Variants in MYO1B observed in about 807,000 individuals in gnomAD.
The protein encoded by MYO1B is unconventional myosin-Ib.
Under a neutral mutation model 159.7 loss-of-function variants are expected in MYO1B, and 72 were observed. The ratio of observed to expected loss-of-function variants is 0.45; its 90% confidence interval spans 0.37 to 0.55. The LOEUF (loss-of-function observed/expected upper bound fraction) is 0.55, where lower values mean the gene tolerates loss of function less well. MYO1B is among the 20% of genes least tolerant of loss of function. MYO1B has a pLI of 0.00. For synonymous variants in MYO1B, 468 were observed against 473.8 expected (o/e 0.99, Z 0.16); for missense variants, 1,062 against 1,364.8 (o/e 0.78, Z 3.50).
At chr2:191,284,620 A>C (rs1200781545) in intron 2 of MYO1B, among the ~76,000 whole-genome samples, 1 of 151,748 alleles carries the variant, frequency 6.6e-6, no homozygotes, top group Non-Finnish European at 1.5e-5. Context: ...TTTTTTTTTG[A>C]GGTTTCAGAC....
chr2:191,350,212 A>T lies in MYO1B; in HGVS notation c.549A>T (p.Gly183=). 6.2e-7 allele frequency: 1 copy of T among 1,612,140 alleles called. No homozygotes were observed. Among genetic ancestry groups the T allele is most frequent in the African/African-American group, 1.3e-5 (1 of 75,012 alleles). The change falls in exon 7 of 31, where the codon GGA becomes GGT. Residue 183 remains glycine, a synonymous_variant. Transcript: ENST00000392318. ...ACTTTAAAGGCGATCCACTAGGAGG[A>T]GTAATAAGTAACTGTGAGTATTTTT... is the stretch of plus-strand genomic sequence containing the variant. ...EFDFKGDPLG[G]VISNYLLEKS...
At chr2:191,384,543 C>G (rs2356647) in intron 15 of MYO1B, among the ~76,000 whole-genome samples, 124,529 of 152,180 alleles carry the variant, frequency 0.82, 54,702 homozygotes, top group Non-Finnish European at 0.98. Context: ...TTCAAAAAAT[C>G]TGAACAATAT....
At chr2:191,398,764 C>T (rs1453084785) in intron 21 of MYO1B, among the ~76,000 whole-genome samples, 9 of 150,354 alleles carry the variant, frequency 6.0e-5, no homozygotes, top group African/African-American at 2.0e-4. Flanking sequence ...CGGGCAGAGA[C>T]GCTCCTCACT....
intron 17 of MYO1B, among the ~76,000 whole-genome samples, chr2:191,388,997 T>C (rs750984145): frequency 6.6e-5 from 10 of 152,228 alleles, no homozygotes; most frequent in Non-Finnish European, 1.0e-4. Flanking sequence ...CATATTTAGG[T>C]CTGTTTCCCC....
In MYO1B at chr2:191,325,293, AAGG is replaced by A. The variant is rs377250148; in HGVS notation, c.252-4639_252-4637del. Among the ~76,000 whole-genome samples the A allele has an allele frequency of 2.6e-4, 39 of 152,318 alleles. No homozygotes were observed. The East Asian group carries it at 7.1e-3, about 28-fold the overall frequency. On this transcript the variant is annotated intron_variant, in intron 3 of 30. Coordinates refer to ENST00000392318, the MANE Select transcript of MYO1B (RefSeq NM_001130158.3). ...GCTATTTTGAGAGGTTTGAATTCCA[AAGG>A]AGAATTTCCTGGTGTTATTTGAAAG...
intron 5 of MYO1B, among the ~76,000 whole-genome samples, chr2:191,342,828 C>T: frequency 1.3e-5 from 2 of 151,768 alleles, no homozygotes; most frequent in Middle Eastern, 6.8e-3. Context: ...GCCTGGGCAA[C>T]AGAGGAAGAC....
At chr2:191,297,809 A>G (rs1342499840) in intron 3 of MYO1B, among the ~76,000 whole-genome samples, 1 of 152,204 alleles carries the variant, frequency 6.6e-6, no homozygotes, top group Non-Finnish European at 1.5e-5. Flanking sequence ...ACAGTTGACA[A>G]TGTCTGGAGA....
intron 30 of MYO1B, among the ~76,000 whole-genome samples, chr2:191,417,953 C>T (rs991609073): frequency 2.3e-4 from 35 of 152,322 alleles, no homozygotes; most frequent in African/African-American, 8.2e-4. Context: ...GGGCCCTGCC[C>T]TGTCACAGAG....
At chr2:191,283,039 A>C (rs1017487635) in intron 2 of MYO1B, among the ~76,000 whole-genome samples, 1 of 152,256 alleles carries the variant, frequency 6.6e-6, no homozygotes, top group African/African-American at 2.4e-5. Context: ...AAAAACAGCA[A>C]ATCATGAGGG....
At chr2:191,341,934 G>A (rs1403036270) in intron 5 of MYO1B, among the ~76,000 whole-genome samples, 1 of 151,900 alleles carries the variant, frequency 6.6e-6, no homozygotes, top group Non-Finnish European at 1.5e-5. Context: ...AGAGAAATGA[G>A]GGCTCACCCC....
intron 2 of MYO1B, among the ~76,000 whole-genome samples, chr2:191,286,173 C>A (rs1370662434): frequency 3.3e-5 from 5 of 152,022 alleles, no homozygotes; most frequent in Non-Finnish European, 7.4e-5. Context: ...CTGAGACTGG[C>A]GACATGAGAT....
intron 13 of MYO1B, among the ~76,000 whole-genome samples, chr2:191,373,224 C>T (rs1161555965): frequency 6.6e-6 from 1 of 152,172 alleles, no homozygotes; most frequent in Non-Finnish European, 1.5e-5. Context: ...TCTCAAATGG[C>T]TGTGCATTGG....
chr2:191,278,855 A>T (rs1415407285), intron 2 of MYO1B, among the ~76,000 whole-genome samples: 1 of 152,234 alleles, frequency 6.6e-6, no homozygotes, highest in Non-Finnish European at 1.5e-5. Flanking sequence ...GGTCTTTGAG[A>T]TGGAGATAGG....
At chr2:191,395,641 G>A (rs1207797089) in intron 20 of MYO1B, among the ~76,000 whole-genome samples, 1 of 152,238 alleles carries the variant, frequency 6.6e-6, no homozygotes. Context: ...CAGGGCGTCA[G>A]CCCTAGAAGT....
intron 1 of MYO1B, among the ~76,000 whole-genome samples, chr2:191,256,314 A>G (rs556270345): frequency 9.2e-5 from 14 of 152,270 alleles, no homozygotes; most frequent in Non-Finnish European, 2.1e-4. Context: ...CATCTGCGCA[A>G]TGTGGGTAAT....
At position 191,423,842 on chromosome 2, in the gene MYO1B, T is replaced by G; in HGVS notation, c.3293T>G (p.Leu1098Arg). The G allele has an allele frequency of 6.2e-7, 1 of 1,612,042 alleles. No individual in the cohort carries two copies. Among genetic ancestry groups the G allele is most frequent in the South Asian group, 1.1e-5 (1 of 90,648 alleles). Residue 1098 changes from leucine to arginine, a missense_variant, in exon 31 of 31, where the codon CTG (leucine) becomes CGG (arginine). Coordinates refer to ENST00000392318, the MANE Select transcript of MYO1B (RefSeq NM_001130158.3). ...KLNIEISDEF[L>R]VQFRQDKVCV... ...GTTTTATTCTTTTCTCCTAGGTTCC[T>G]GGTACAGTTCAGACAGGACAAAGTA... is the stretch of plus-strand genomic sequence containing the variant.
intron 8 of MYO1B, 103 bp downstream of exon 8, chr2:191,360,832 C>G: frequency 1.3e-6 from 1 of 771,724 alleles, no homozygotes; most frequent in Non-Finnish European, 2.1e-6. Flanking sequence ...GTCTCTAATT[C>G]CTGAGCTCAA....
chr2:191,292,754 A>T (rs1380619274), intron 2 of MYO1B, among the ~76,000 whole-genome samples: 1 of 152,148 alleles, frequency 6.6e-6, no homozygotes, highest in Non-Finnish European at 1.5e-5. Context: ...GAGGGGCCTT[A>T]GGATTTTATT....
At chr2:191,397,557 T>C (rs896078763) in intron 21 of MYO1B, among the ~76,000 whole-genome samples, 12 of 151,614 alleles carry the variant, frequency 7.9e-5, no homozygotes, top group Non-Finnish European at 1.6e-4. Flanking sequence ...TTTTTCTTAG[T>C]ACAGAACAAA....
Sources: gnomAD v4.1 joint callset for allele counts (sites outside exome capture counted in the v4.1 genomes callset) on GRCh38, gnomAD v4.1.1 for gene constraint, MANE v1.5 for transcripts, NCBI Gene and HGNC (gene_info 2026-07-23, HGNC 2026-07-21) for gene names.